Variants in PLXDC2 observed in about 807,000 individuals in gnomAD.
PLXDC2 encodes plexin domain containing 2.
Under a neutral mutation model 68.9 loss-of-function variants are expected in PLXDC2, and 40 were observed. That is an observed-to-expected ratio of 0.58 (90% confidence interval 0.45 to 0.76). The LOEUF (loss-of-function observed/expected upper bound fraction) is 0.76, where lower values mean the gene tolerates loss of function less well. Among genes scored for constraint, PLXDC2 ranks in the 30% least tolerant of loss-of-function variants. The pLI, the probability that PLXDC2 is intolerant of heterozygous loss-of-function variation, is 0.00. For missense variants in PLXDC2, 644 were observed against 661.9 expected, an observed-to-expected ratio of 0.97 and a Z score of 0.30; for synonymous variants, 243 against 234.2, an observed-to-expected ratio of 1.04 and a Z score of -0.34.
chr10:20,162,205 T>C (rs1307274607), intron 6 of PLXDC2, among the ~76,000 whole-genome samples: 1 of 151,872 alleles, frequency 6.6e-6, no homozygotes, highest in Non-Finnish European at 1.5e-5. Context: ...AAAGGTGGAA[T>C]GCATAATCTG....
chr10:19,988,385 A>T (rs1834684771), intron 1 of PLXDC2, among the ~76,000 whole-genome samples: 1 of 152,184 alleles, frequency 6.6e-6, no homozygotes, highest in Non-Finnish European at 1.5e-5. Flanking sequence ...GGTTAGAGAA[A>T]TTATATCTTA....
chr10:19,901,139 G>A (rs1288730098), intron 1 of PLXDC2, among the ~76,000 whole-genome samples: 2 of 151,982 alleles, frequency 1.3e-5, no homozygotes, highest in Non-Finnish European at 2.9e-5. Flanking sequence ...ATAAACATGT[G>A]TGTGCCAGTA....
chr10:19,832,125 T>C (rs1836705401), intron 1 of PLXDC2, among the ~76,000 whole-genome samples: 1 of 152,254 alleles, frequency 6.6e-6, no homozygotes, highest in African/African-American at 2.4e-5. Flanking sequence ...CTTATTGATG[T>C]TGTTTATTTA....
At chr10:19,925,905 G>A (rs1196711490) in intron 1 of PLXDC2, among the ~76,000 whole-genome samples, 1 of 152,178 alleles carries the variant, frequency 6.6e-6, no homozygotes, top group African/African-American at 2.4e-5. Context: ...TTGCTGTTTT[G>A]TACCGGGGTT....
intron 4 of PLXDC2, among the ~76,000 whole-genome samples, chr10:20,099,403 T>G (rs1833393441): frequency 6.6e-6 from 1 of 152,232 alleles, no homozygotes; most frequent in South Asian, 2.1e-4. Flanking sequence ...ATCTGCCTGA[T>G]GGCCCATCAT....
At chr10:19,972,482 T>C (rs926402006) in intron 1 of PLXDC2, among the ~76,000 whole-genome samples, 1 of 152,204 alleles carries the variant, frequency 6.6e-6, no homozygotes, top group Non-Finnish European at 1.5e-5. Flanking sequence ...TTGAAACCTA[T>C]GTATCGAGTA....
intron 7 of PLXDC2, among the ~76,000 whole-genome samples, chr10:20,168,367 T>C (rs2131818549): frequency 6.6e-6 from 1 of 152,258 alleles, no homozygotes; most frequent in South Asian, 2.1e-4. Flanking sequence ...TACTTAAAGT[T>C]ACTGTTTTTT....
chr10:20,182,070 T>TA (rs776349845), intron 9 of PLXDC2, among the ~76,000 whole-genome samples: 1 of 125,686 alleles, frequency 8.0e-6, no homozygotes, highest in East Asian at 2.8e-4. Context: ...AAACCGGTTA[T>TA]TTGTGTGTGT....
intron 3 of PLXDC2, among the ~76,000 whole-genome samples, chr10:20,060,503 A>G (rs977523360): frequency 1.3e-5 from 2 of 151,892 alleles, no homozygotes; most frequent in Non-Finnish European, 2.9e-5. Flanking sequence ...AAAAAAAAAA[A>G]AAAAAAAGTC....
intron 7 of PLXDC2, among the ~76,000 whole-genome samples, chr10:20,167,738 T>C (rs1834393576): frequency 1.3e-5 from 2 of 152,164 alleles, no homozygotes; most frequent in Non-Finnish European, 2.9e-5. Context: ...TTTGGCTTCA[T>C]GTAGCCATGG....
chr10:19,957,989 T>C (rs1834098416), intron 1 of PLXDC2, among the ~76,000 whole-genome samples: 1 of 152,110 alleles, frequency 6.6e-6, no homozygotes, highest in Non-Finnish European at 1.5e-5. Flanking sequence ...GGTGAAATAG[T>C]TAAATTATTC....
intron 1 of PLXDC2, among the ~76,000 whole-genome samples, chr10:19,849,255 T>G (rs1416525454): frequency 6.6e-6 from 1 of 152,170 alleles, no homozygotes; most frequent in African/African-American, 2.4e-5. Flanking sequence ...TGTGGTGAAT[T>G]TATTGATGTA....
chr10:20,227,292 G>A (rs916261028), intron 12 of PLXDC2, among the ~76,000 whole-genome samples: 4 of 152,122 alleles, frequency 2.6e-5, no homozygotes, highest in African/African-American at 9.7e-5. Flanking sequence ...TACGTATAGT[G>A]TGAAGAGTGC....
intron 6 of PLXDC2, among the ~76,000 whole-genome samples, chr10:20,149,215 TTTTTTTTTCTTTTC>T (rs1289382554): frequency 3.1e-3 from 6 of 1,944 alleles, no homozygotes; most frequent in South Asian, 4.0e-3. Flanking sequence ...TTTTTCTTTC[TTTTTTTTTCTTTTC>T]TTTTTTTTTT....
intron 1 of PLXDC2, among the ~76,000 whole-genome samples, chr10:19,876,931 A>G (rs948430478): frequency 6.6e-6 from 1 of 152,188 alleles, no homozygotes; most frequent in East Asian, 1.9e-4. Context: ...CTCGTACAAA[A>G]ACGTATCTGA....
chr10:20,061,590 T>C (rs1589610435), intron 3 of PLXDC2, among the ~76,000 whole-genome samples: 1 of 149,364 alleles, frequency 6.7e-6, no homozygotes, highest in African/African-American at 2.4e-5. Flanking sequence ...AAAAAAATCT[T>C]GTTGAAAGAT....
At chr10:20,140,877 TTTTTTCA>T (rs2131788087) in intron 4 of PLXDC2, among the ~76,000 whole-genome samples, 1 of 152,192 alleles carries the variant, frequency 6.6e-6, no homozygotes, top group South Asian at 2.1e-4. Flanking sequence ...TTTTTATTTT[TTTTTTCA>T]TGTTAAGTCT....
chr10:19,929,407 T>C (rs2131387753), intron 1 of PLXDC2, among the ~76,000 whole-genome samples: 1 of 152,170 alleles, frequency 6.6e-6, no homozygotes, highest in African/African-American at 2.4e-5. Context: ...CGTGGAGTAA[T>C]TAGGTTCTGT....
intron 9 of PLXDC2, among the ~76,000 whole-genome samples, chr10:20,181,798 G>A (rs1164840127): frequency 6.6e-6 from 1 of 151,986 alleles, no homozygotes; most frequent in Non-Finnish European, 1.5e-5. Context: ...TCAGAATAAT[G>A]GAAAGCATTT....
Sources: allele counts gnomAD v4.1 joint callset (sites outside exome capture counted in the v4.1 genomes callset), GRCh38; gene constraint gnomAD v4.1.1; transcripts MANE v1.5; gene names NCBI Gene and HGNC (gene_info 2026-07-23, HGNC 2026-07-21).